Variants in GSTCD observed in about 807,000 individuals in gnomAD.
The protein encoded by GSTCD is glutathione S-transferase C-terminal domain-containing protein.
A neutral mutation model predicts 68.3 loss-of-function variants in GSTCD; 44 were observed. The observed-to-expected ratio is 0.64, with a 90% CI of 0.51 to 0.83. GSTCD has a LOEUF of 0.83. Ranked by LOEUF, GSTCD falls within the 40% of genes least tolerant of loss-of-function variation. The pLI is 0.00. For synonymous variants in GSTCD, 273 were observed against 255.2 expected (o/e 1.07, Z -0.67); for missense variants, 739 against 735.9 (o/e 1.00, Z -0.05).
At chr4:105,723,245 T>C (rs1732927915) in intron 3 of GSTCD, among the ~76,000 whole-genome samples, 1 of 151,966 alleles carries the variant, frequency 6.6e-6, no homozygotes, top group Non-Finnish European at 1.5e-5. Context: ...CTTGAGAGAA[T>C]TAATAAACTT....
At chr4:105,794,836 TATTTATC>T (rs1560832724) in intron 5 of GSTCD, among the ~76,000 whole-genome samples, 408 of 95,024 alleles carry the variant, frequency 4.3e-3, no homozygotes, top group African/African-American at 0.034. Context: ...TCTATCTATC[TATTTATC>T]TATCTATCTA....
intron 4 of GSTCD, among the ~76,000 whole-genome samples, chr4:105,727,737 CAT>C (rs1403587120): frequency 6.7e-6 from 1 of 149,422 alleles, no homozygotes; most frequent in Non-Finnish European, 1.5e-5. Flanking sequence ...CTCCTTGGGG[CAT>C]AGTTTGTTTT....
chr4:105,837,618 A>G (rs1217577208), intron 9 of GSTCD, among the ~76,000 whole-genome samples: 2 of 152,212 alleles, frequency 1.3e-5, no homozygotes, highest in Admixed American at 1.3e-4. Flanking sequence ...TAGAGACAAA[A>G]AAGGTGCTTC....
At chr4:105,721,021 G>A (rs1732844026) in intron 3 of GSTCD, among the ~76,000 whole-genome samples, 1 of 149,578 alleles carries the variant, frequency 6.7e-6, no homozygotes, top group African/African-American at 2.5e-5. Context: ...CACCTAGGCT[G>A]TGTGCAGTGG....
intron 1 of GSTCD, among the ~76,000 whole-genome samples, chr4:105,713,689 A>G (rs539248951): frequency 6.6e-6 from 1 of 152,138 alleles, no homozygotes; most frequent in African/African-American, 2.4e-5. Context: ...AATGTATGTA[A>G]TATTTAAAAC....
chr4:105,719,591 G>C, intron 3 of GSTCD, 64 bp downstream of exon 3: 2 of 1,207,968 alleles, frequency 1.7e-6, no homozygotes, highest in South Asian at 1.4e-5. Flanking sequence ...GCCTAGGTTT[G>C]AATTTCTGTT....
chr4:105,756,596 A>G (rs988183635), intron 5 of GSTCD, among the ~76,000 whole-genome samples: 4 of 150,380 alleles, frequency 2.7e-5, no homozygotes, highest in African/African-American at 7.4e-5. Flanking sequence ...ATATATATAT[A>G]TATATAATAT....
At chr4:105,835,831 C>T (rs1483078894) in intron 9 of GSTCD, among the ~76,000 whole-genome samples, 1 of 152,154 alleles carries the variant, frequency 6.6e-6, no homozygotes, top group Non-Finnish European at 1.5e-5. Context: ...CTTTATTGAG[C>T]AACAGTACAG....
intron 5 of GSTCD, among the ~76,000 whole-genome samples, chr4:105,777,075 T>C (rs1469514159): frequency 2.0e-5 from 3 of 152,238 alleles, no homozygotes; most frequent in Non-Finnish European, 4.4e-5. Context: ...AAAATGTTAA[T>C]AACTTTCTTC....
At chr4:105,783,347 A>G (rs1160083499) in intron 5 of GSTCD, among the ~76,000 whole-genome samples, 1 of 152,194 alleles carries the variant, frequency 6.6e-6, no homozygotes, top group Non-Finnish European at 1.5e-5. Flanking sequence ...GGTATATTAT[A>G]CTTTCTGAAA....
intron 5 of GSTCD, among the ~76,000 whole-genome samples, chr4:105,792,090 A>G (rs1474325140): frequency 6.6e-6 from 1 of 152,104 alleles, no homozygotes; most frequent in Non-Finnish European, 1.5e-5. Flanking sequence ...ATCAGATTGG[A>G]CACTGCTCTT....
At chr4:105,755,981 C>T (rs1296932983) in intron 5 of GSTCD, among the ~76,000 whole-genome samples, 1 of 152,272 alleles carries the variant, frequency 6.6e-6, no homozygotes, top group African/African-American at 2.4e-5. Flanking sequence ...TCCCATGACA[C>T]CCTCCTAAGG....
intron 5 of GSTCD, among the ~76,000 whole-genome samples, chr4:105,818,138 G>T (rs1257313204): frequency 6.6e-6 from 1 of 151,556 alleles, no homozygotes; most frequent in Non-Finnish European, 1.5e-5. Context: ...CGGTTTTTTG[G>T]GGAGTTATTT....
At chr4:105,729,593 T>G in intron 5 of GSTCD, 94 bp downstream of exon 5, 1 of 725,178 alleles carries the variant, frequency 1.4e-6, no homozygotes, top group Non-Finnish European at 2.2e-6. Flanking sequence ...TGGCTTTATC[T>G]AATATTCTGA....
At chr4:105,774,238 T>C (rs1327820012) in intron 5 of GSTCD, among the ~76,000 whole-genome samples, 1 of 152,230 alleles carries the variant, frequency 6.6e-6, no homozygotes, top group African/African-American at 2.4e-5. Flanking sequence ...ATTTTGAGCC[T>C]ATGTATGTCT....
At chr4:105,757,555 G>A (rs1734240793) in intron 5 of GSTCD, among the ~76,000 whole-genome samples, 1 of 152,168 alleles carries the variant, frequency 6.6e-6, no homozygotes, top group Non-Finnish European at 1.5e-5. Context: ...AGCAAATTTT[G>A]TATATTTCTC....
chr4:105,826,402 T>C lies in GSTCD; in HGVS notation c.1530+602T>C, dbSNP rs181352331. Among the ~76,000 whole-genome samples the C allele has an allele frequency of 2.7e-3, 417 of 152,220 alleles. 4 individuals are homozygous for C. The highest frequency in any genetic ancestry group is 9.4e-3 in the African/African-American group (389 of 41,590). On this transcript the variant is annotated intron_variant, in intron 8 of 11. Coordinates refer to ENST00000515279, the MANE Select transcript of GSTCD (RefSeq NM_001370181.1). ...TATTTTTTGTAGACTTTGAGTTTTA[T>C]GAACATGTTAGTGTTGCTGCTATTT...
intron 5 of GSTCD, among the ~76,000 whole-genome samples, chr4:105,729,736 TTTGA>T (rs1181809184): frequency 2.0e-5 from 3 of 152,180 alleles, no homozygotes; most frequent in African/African-American, 7.2e-5. Context: ...GCTGACATAT[TTTGA>T]TTTTTGTTTT....
At chr4:105,738,046 C>A (rs943507539) in intron 5 of GSTCD, among the ~76,000 whole-genome samples, 1 of 152,186 alleles carries the variant, frequency 6.6e-6, no homozygotes, top group Non-Finnish European at 1.5e-5. Flanking sequence ...TTGCCTTCTG[C>A]CATGAGTGGA....
Sources: gnomAD v4.1 joint callset for allele counts (sites outside exome capture counted in the v4.1 genomes callset) on GRCh38, gnomAD v4.1.1 for gene constraint, MANE v1.5 for transcripts, NCBI Gene and HGNC (gene_info 2026-07-23, HGNC 2026-07-21) for gene names.